Variants in IL15 observed in about 807,000 individuals in gnomAD.
IL15 encodes interleukin-15.
A neutral mutation model predicts 19.6 loss-of-function variants in IL15; 11 were observed. The observed-to-expected ratio is 0.56, with a 90% CI of 0.35 to 0.93. IL15 has a LOEUF of 0.93. Among genes scored for constraint, IL15 ranks in the 40% least tolerant of loss-of-function variants. IL15 has a pLI of 0.01. For synonymous variants in IL15, 58 were observed against 59.6 expected (o/e 0.97, Z 0.12); for missense variants, 197 against 186.5 (o/e 1.06, Z -0.33).
At chr4:141,642,665 T>C (rs1727090757) in intron 1 of IL15, among the ~76,000 whole-genome samples, 1 of 152,198 alleles carries the variant, frequency 6.6e-6, no homozygotes, top group Non-Finnish European at 1.5e-5. Context: ...TGCCTCAGTG[T>C]CCAGACACAC....
intron 2 of IL15, among the ~76,000 whole-genome samples, chr4:141,680,092 G>A (rs1202859291): frequency 6.6e-6 from 1 of 152,148 alleles, no homozygotes; most frequent in Non-Finnish European, 1.5e-5. Flanking sequence ...ATGCTTTAAT[G>A]CAGGGGAAAA....
chr4:141,650,367 T>C (rs1167523117), intron 1 of IL15, among the ~76,000 whole-genome samples: 1 of 152,092 alleles, frequency 6.6e-6, no homozygotes, highest in Non-Finnish European at 1.5e-5. Flanking sequence ...CAATGTCTAC[T>C]AGTAACTGCG....
chr4:141,698,739 G>A (rs375834566), intron 2 of IL15, among the ~76,000 whole-genome samples: 8 of 151,844 alleles, frequency 5.3e-5, no homozygotes, highest in East Asian at 1.9e-4. Context: ...TTGGTTAATC[G>A]TACTAATGGT....
At chr4:141,677,413 CA>C (rs1289441763) in intron 2 of IL15, among the ~76,000 whole-genome samples, 1 of 152,150 alleles carries the variant, frequency 6.6e-6, no homozygotes, top group Non-Finnish European at 1.5e-5. Context: ...ATATGAAATA[CA>C]TTCAAAATAT....
At chr4:141,647,029 G>C (rs148849724) in intron 1 of IL15, among the ~76,000 whole-genome samples, 108 of 152,204 alleles carry the variant, frequency 7.1e-4, no homozygotes, top group Middle Eastern at 3.4e-3. Context: ...ACTGCAAATA[G>C]AATGGAGAAT....
At chr4:141,661,747 T>C (rs113118952) in intron 2 of IL15, among the ~76,000 whole-genome samples, 3,986 of 152,262 alleles carry the variant, frequency 0.026, 167 homozygotes, top group African/African-American at 0.09. Context: ...AATGGCGAGC[T>C]CTGTTGCACT....
chr4:141,684,551 A>G (rs1645658748), intron 2 of IL15, among the ~76,000 whole-genome samples: 1 of 152,156 alleles, frequency 6.6e-6, no homozygotes, highest in Non-Finnish European at 1.5e-5. Flanking sequence ...GCCTATCCAC[A>G]TGTATTTCCT....
At chr4:141,647,249 G>T (rs1727256123) in intron 1 of IL15, among the ~76,000 whole-genome samples, 1 of 152,048 alleles carries the variant, frequency 6.6e-6, no homozygotes, top group Non-Finnish European at 1.5e-5. Flanking sequence ...TGAGAGTCAG[G>T]AAAGATAAAC....
intron 2 of IL15, among the ~76,000 whole-genome samples, chr4:141,695,840 A>G (rs1015700162): frequency 6.6e-6 from 1 of 152,080 alleles, no homozygotes. Flanking sequence ...CAGGATATAT[A>G]CACTATATAT....
intron 2 of IL15, among the ~76,000 whole-genome samples, chr4:141,695,175 C>A (rs1173438828): frequency 2.0e-5 from 3 of 151,904 alleles, no homozygotes. Context: ...TGGCAGCCAC[C>A]CCTATCTAAT....
rs1474528028 is a variant in IL15 at position 141,727,995 on chromosome 4, T to G, written c.240+11T>G. On this transcript the variant is annotated intron_variant, in intron 6 of 7. Coordinates refer to ENST00000320650, the MANE Select transcript of IL15 (RefSeq NM_000585.5). ...GAAAGTGATGTTCACGTGAGTATACTTTTTTTCAAAATTGCTATTTGTCTT... is the reference window on the plus strand; with the variant it reads ...GAAAGTGATGTTCACGTGAGTATACGTTTTTTCAAAATTGCTATTTGTCTT... The G allele has an allele frequency of 1.6e-6, 2 of 1,265,156 alleles. No homozygotes were observed. Among genetic ancestry groups the G allele is most frequent in the Non-Finnish European group, 2.3e-6 (2 of 887,680 alleles). 78.4% of individuals were successfully genotyped at this position (1,265,156 alleles called of 1,614,324 possible).
chr4:141,732,471 T>C (rs1342497664), intron 7 of IL15, among the ~76,000 whole-genome samples: 1 of 152,198 alleles, frequency 6.6e-6, no homozygotes, highest in Non-Finnish European at 1.5e-5. Context: ...AGGAAACCAT[T>C]GAAGGGCTCA....
At chr4:141,689,857 A>G (rs982673217) in intron 2 of IL15, among the ~76,000 whole-genome samples, 42 of 152,152 alleles carry the variant, frequency 2.8e-4, no homozygotes, top group African/African-American at 9.9e-4. Context: ...CCGTGCGCCT[A>G]CACTCCTCAG....
At chr4:141,721,603 AT>A in intron 4 of IL15, 3 of 527,360 alleles carry the variant, frequency 5.7e-6, no homozygotes, top group South Asian at 5.0e-5. Flanking sequence ...ATTCAAAATC[AT>A]TTATTGAGCA....
At chr4:141,663,438 C>T (rs911196725) in intron 2 of IL15, among the ~76,000 whole-genome samples, 4 of 152,154 alleles carry the variant, frequency 2.6e-5, no homozygotes, top group African/African-American at 7.2e-5. Context: ...AAAATGAAGA[C>T]TCAAAGACTC....
intron 1 of IL15, among the ~76,000 whole-genome samples, chr4:141,646,551 G>A (rs1727231364): frequency 6.6e-6 from 1 of 152,022 alleles, no homozygotes; most frequent in Non-Finnish European, 1.5e-5. Context: ...AGCACTCCCT[G>A]TCCCAACCCT....
At chr4:141,722,407 C>T (rs1730120064) in intron 5 of IL15, among the ~76,000 whole-genome samples, 1 of 152,226 alleles carries the variant, frequency 6.6e-6, no homozygotes, top group South Asian at 2.1e-4. Context: ...TTTGCCATAG[C>T]AGGTAATACC....
intron 2 of IL15, among the ~76,000 whole-genome samples, chr4:141,657,876 TA>T (rs1461895194): frequency 6.6e-6 from 1 of 152,246 alleles, no homozygotes; most frequent in Non-Finnish European, 1.5e-5. Flanking sequence ...ATAAAAAGTA[TA>T]GTATAATAAA....
intron 6 of IL15, 39 bp from the exon 7 acceptor site, chr4:141,729,808 C>G: frequency 8.7e-7 from 1 of 1,155,150 alleles, no homozygotes; most frequent in African/African-American, 1.6e-5. Context: ...AATTAATAAT[C>G]AGAAAAAAGT....
Sources: gnomAD v4.1 joint callset for allele counts (sites outside exome capture counted in the v4.1 genomes callset) on GRCh38, gnomAD v4.1.1 for gene constraint, MANE v1.5 for transcripts, NCBI Gene and HGNC (gene_info 2026-07-23, HGNC 2026-07-21) for gene names.